Variants in ESRRB observed in about 807,000 individuals in gnomAD.
ESRRB encodes estrogen related receptor beta, also known as steroid hormone receptor ERR2.
ESRRB carries 16 observed loss-of-function variants against 46.0 expected under a neutral mutation model. The ratio of observed to expected loss-of-function variants is 0.35; its 90% confidence interval spans 0.24 to 0.53. The LOEUF is 0.53. Ranked by LOEUF, ESRRB falls within the 20% of genes least tolerant of loss-of-function variation. ESRRB has a pLI of 0.93. For missense variants in ESRRB, 488 were observed against 607.4 expected, an observed-to-expected ratio of 0.80 and a Z score of 2.07; for synonymous variants, 246 against 259.6, an observed-to-expected ratio of 0.95 and a Z score of 0.50.
chr14:76,337,574 A>T (rs1375565729), intron 1 of ESRRB, among the ~76,000 whole-genome samples: 2 of 152,004 alleles, frequency 1.3e-5, no homozygotes, highest in Non-Finnish European at 2.9e-5. Context: ...TGGATGGGGA[A>T]GGGCGGGTGC....
intron 1 of ESRRB, among the ~76,000 whole-genome samples, chr14:76,392,470 C>A (rs1427698325): frequency 3.9e-5 from 6 of 152,230 alleles, no homozygotes; most frequent in Non-Finnish European, 1.5e-5. Context: ...AGCTGAGTGA[C>A]TGCCCAAGGT....
intron 1 of ESRRB, among the ~76,000 whole-genome samples, chr14:76,345,161 C>CA (rs367730360): frequency 6.6e-6 from 1 of 152,132 alleles, no homozygotes; most frequent in African/African-American, 2.4e-5. Context: ...AACCCAAAAG[C>CA]AAATGCAATA....
chr14:76,487,630 A>C (rs1890070608), intron 5 of ESRRB, among the ~76,000 whole-genome samples: 1 of 151,132 alleles, frequency 6.6e-6, no homozygotes, highest in Non-Finnish European at 1.5e-5. Flanking sequence ...TTGAGCCAGG[A>C]TCTCGCTTTG....
chr14:76,337,941 A>G (rs1036052993), intron 1 of ESRRB, among the ~76,000 whole-genome samples: 10 of 152,188 alleles, frequency 6.6e-5, no homozygotes, highest in Non-Finnish European at 1.0e-4. Context: ...GCAAGCTTAC[A>G]TCGCCTCCTC....
At chr14:76,412,741 CG>C (rs1886496276) in intron 1 of ESRRB, among the ~76,000 whole-genome samples, 1 of 152,156 alleles carries the variant, frequency 6.6e-6, no homozygotes, top group South Asian at 2.1e-4. Context: ...GGATTAGCTG[CG>C]GGGTTCCTTT....
At chr14:76,347,399 A>G (rs2139757458) in intron 1 of ESRRB, among the ~76,000 whole-genome samples, 1 of 150,714 alleles carries the variant, frequency 6.6e-6, no homozygotes, top group Non-Finnish European at 1.5e-5. Context: ...AAATGGGGAC[A>G]GTATTTGCTC....
intron 1 of ESRRB, among the ~76,000 whole-genome samples, chr14:76,399,001 C>T (rs781727974): frequency 2.6e-5 from 4 of 152,096 alleles, no homozygotes; most frequent in Non-Finnish European, 4.4e-5. Flanking sequence ...TCCTCATTTT[C>T]CTGATGGAGA....
chr14:76,416,131 C>T (rs1886688349), intron 1 of ESRRB, among the ~76,000 whole-genome samples: 3 of 145,962 alleles, frequency 2.1e-5, no homozygotes, highest in Non-Finnish European at 3.0e-5. Context: ...GTACCATTTT[C>T]CCTTTTTTTT....
intron 1 of ESRRB, among the ~76,000 whole-genome samples, chr14:76,313,327 C>A (rs947204131): frequency 1.3e-4 from 18 of 137,896 alleles, no homozygotes; most frequent in African/African-American, 4.7e-4. Context: ...TTTTTTTTTT[C>A]AAACTGATTT....
At chr14:76,331,595 G>A (rs970179426) in intron 1 of ESRRB, among the ~76,000 whole-genome samples, 3 of 152,248 alleles carry the variant, frequency 2.0e-5, no homozygotes, top group African/African-American at 7.2e-5. Flanking sequence ...GGCCGAATAT[G>A]GACTATCTAA....
At chr14:76,467,500 CAAAAAAA>C (rs397709875) in intron 3 of ESRRB, among the ~76,000 whole-genome samples, 2 of 91,740 alleles carry the variant, frequency 2.2e-5, no homozygotes, top group Non-Finnish European at 4.5e-5. Flanking sequence ...GCCTCTGTCT[CAAAAAAA>C]AAAAAAAAAA....
Position 76,376,454 on chromosome 14 carries a change from A to AG in ESRRB, c.50+5dup. On this transcript the variant is annotated splice_donor_region_variant and intron_variant, in intron 1 of 6. Coordinates refer to ENST00000644823, the MANE Select transcript of ESRRB (RefSeq NM_001379180.1). This position sits in a 1 kb window ranked among gnomAD's most constrained non-coding sequence, Gnocchi z 4.1. ...GACCCCCTCGGCTACCACAACCAGT[A>AG]GGTGCCCTGCTTCTCGGTCTGTCTG... The AG allele has an allele frequency of 1.6e-6, 2 of 1,231,624 alleles. No homozygotes were observed. The highest frequency in any genetic ancestry group is 2.0e-6 in the Non-Finnish European group (2 of 987,894). The allele number at this position is 1,231,624 out of a possible 1,614,324, so 76.3% of individuals were successfully genotyped here. A position where few individuals can be genotyped will look rare whatever the true frequency, so the allele number is the denominator to read the frequency against.
At chr14:76,476,510 GTCT>G (rs1889590365) in intron 3 of ESRRB, among the ~76,000 whole-genome samples, 1 of 152,160 alleles carries the variant, frequency 6.6e-6, no homozygotes, top group Non-Finnish European at 1.5e-5. Context: ...TCAAGTTCAA[GTCT>G]TCTTGTTTAT....
At chr14:76,317,114 G>A (rs868703727) in intron 1 of ESRRB, among the ~76,000 whole-genome samples, 9 of 152,126 alleles carry the variant, frequency 5.9e-5, no homozygotes, top group Middle Eastern at 3.4e-3. Context: ...TTTTGGGTAC[G>A]GGATTCTTCC....
In ESRRB at chr14:76,389,604, G is replaced by T. The variant is rs574276366; in HGVS notation, c.50+13153G>T. Among the ~76,000 whole-genome samples, 71 of 152,258 alleles carry T rather than the reference G, an allele frequency of 4.7e-4. 1 individual carries two copies. The Middle Eastern group carries it at 0.014, about 29-fold the overall frequency. On this transcript the variant is annotated intron_variant, in intron 1 of 6. Coordinates refer to ENST00000644823, the MANE Select transcript of ESRRB (RefSeq NM_001379180.1). Reference sequence around the variant, plus strand: ...TGGGGAGCATTATATCCTTCTGGGAGGCAATGCAGTGTTGGGGTTAAGAGG... The same window carrying T: ...TGGGGAGCATTATATCCTTCTGGGATGCAATGCAGTGTTGGGGTTAAGAGG...
chr14:76,479,246 C>CGTGT (rs371894868), intron 3 of ESRRB, among the ~76,000 whole-genome samples: 2 of 151,704 alleles, frequency 1.3e-5, no homozygotes, highest in Non-Finnish European at 2.9e-5. Context: ...CGTGTGCATG[C>CGTGT]GTGCGTGTGT....
chr14:76,358,399 G>GAAAGA (rs2139768912), intron 1 of ESRRB, among the ~76,000 whole-genome samples: 1 of 102,570 alleles, frequency 9.7e-6, no homozygotes, highest in East Asian at 2.8e-4. Context: ...AAGAAAGAAA[G>GAAAGA]AAAGAAAGAA....
rs1376652591 is a variant in ESRRB, at chr14:76,439,510, G to T, written c.220G>T (p.Ala74Ser). ...GGFGLALGTH[A>S]NGLDSPPMFA... The stretch of plus-strand genomic sequence containing the variant: ...CTTTGGCCTGGCCCTGGGCACCCAC[G>T]CCAACGGTCTGGACTCGCCACCCAT... The change falls in exon 2 of 7, where the codon GCC (alanine) becomes TCC (serine). Residue 74 changes from alanine to serine, a missense_variant. Transcript: ENST00000644823. 2 of 1,612,806 alleles carry T rather than the reference G, an allele frequency of 1.2e-6. No homozygotes were observed. The highest frequency in any genetic ancestry group is 8.5e-7 in the Non-Finnish European group (1 of 1,179,912).
At chr14:76,490,908 C>T (rs1890197984) in intron 5 of ESRRB, among the ~76,000 whole-genome samples, 1 of 152,180 alleles carries the variant, frequency 6.6e-6, no homozygotes, top group South Asian at 2.1e-4. Flanking sequence ...TGGGGCCTTC[C>T]CCTGTGGCTT....
Sources: gnomAD v4.1 joint callset for allele counts (sites outside exome capture counted in the v4.1 genomes callset) on GRCh38, gnomAD v4.1.1 for gene constraint, Gnocchi (gnomAD v3.1) non-coding constraint, MANE v1.5 for transcripts, NCBI Gene and HGNC (gene_info 2026-07-23, HGNC 2026-07-21) for gene names.